The following SYT16 variants were observed in gnomAD, a reference collection of about 807,000 sequenced individuals.
The protein encoded by SYT16 is synaptotagmin 16.
SYT16 carries 42 observed loss-of-function variants against 61.4 expected under a neutral mutation model. That is an observed-to-expected ratio of 0.68 (90% CI 0.53 to 0.89). The LOEUF is 0.89. SYT16 is among the 40% of genes least tolerant of loss of function. The pLI is 0.00. For synonymous variants in SYT16, 314 were observed against 302.3 expected (o/e 1.04, Z -0.40); for missense variants, 804 against 807.3 (o/e 1.00, Z 0.05).
intron 2 of SYT16, among the ~76,000 whole-genome samples, chr14:61,974,542 T>C (rs1277808930): frequency 6.6e-6 from 1 of 152,016 alleles, no homozygotes; most frequent in East Asian, 1.9e-4. Context: ...AAGGCAGAGG[T>C]TGATTCTCCT....
At chr14:61,812,516 G>T (rs1242394805), upstream of SYT16, among the ~76,000 whole-genome samples, 1 of 151,442 alleles carries the variant, frequency 6.6e-6, no homozygotes, top group South Asian at 2.1e-4. Flanking sequence ...GGGGACGGAC[G>T]CGGCGAGGCG....
At chr14:61,866,676 T>C (rs1029014172) in intron 1 of SYT16, among the ~76,000 whole-genome samples, 1 of 152,164 alleles carries the variant, frequency 6.6e-6, no homozygotes, top group Admixed American at 6.5e-5. Context: ...TTGTCAGATA[T>C]GTATTTTGCA....
intron 2 of SYT16, among the ~76,000 whole-genome samples, chr14:61,984,682 A>G (rs917560305): frequency 2.6e-5 from 4 of 152,220 alleles, no homozygotes; most frequent in African/African-American, 9.6e-5. Context: ...TCAAGGAGAA[A>G]GAGAAGGAAA....
At chr14:61,868,608 GA>G (rs1479751773) in intron 1 of SYT16, among the ~76,000 whole-genome samples, 1 of 151,766 alleles carries the variant, frequency 6.6e-6, no homozygotes. Flanking sequence ...ATATTTGGGG[GA>G]ACTGTCTAGA....
chr14:61,973,638 G>A (rs183462417), intron 2 of SYT16, among the ~76,000 whole-genome samples: 4 of 152,142 alleles, frequency 2.6e-5, no homozygotes, highest in African/African-American at 7.2e-5. Flanking sequence ...AGAATATTTC[G>A]GTTGTTTTGT....
At chr14:61,857,520 A>G (rs1277396915) in intron 1 of SYT16, among the ~76,000 whole-genome samples, 1 of 152,162 alleles carries the variant, frequency 6.6e-6, no homozygotes, top group Non-Finnish European at 1.5e-5. Flanking sequence ...TGAGAAAGCA[A>G]TGTAATGGAG....
At chr14:61,984,716 C>T (rs1392090450) in intron 2 of SYT16, among the ~76,000 whole-genome samples, 1 of 151,956 alleles carries the variant, frequency 6.6e-6, no homozygotes, top group Non-Finnish European at 1.5e-5. Flanking sequence ...GCATTGTTGG[C>T]TTAAAATAGA....
intron 1 of SYT16, among the ~76,000 whole-genome samples, chr14:61,932,305 A>G (rs1007420878): frequency 6.6e-6 from 1 of 152,154 alleles, no homozygotes; most frequent in Non-Finnish European, 1.5e-5. Context: ...CTGATTTCTG[A>G]TAGGAGTCTG....
At chr14:61,853,116 A>G (rs992356676) in intron 1 of SYT16, among the ~76,000 whole-genome samples, 2 of 152,118 alleles carry the variant, frequency 1.3e-5, no homozygotes, top group African/African-American at 4.8e-5. Flanking sequence ...ATGGGGTTTC[A>G]CCATGTTGGC....
At chr14:61,895,640 A>G (rs771230857) in intron 1 of SYT16, among the ~76,000 whole-genome samples, 2 of 152,200 alleles carry the variant, frequency 1.3e-5, no homozygotes, top group African/African-American at 4.8e-5. Context: ...CCCCACCACT[A>G]GCTACTATTG....
intron 3 of SYT16, among the ~76,000 whole-genome samples, chr14:62,062,867 G>A (rs1399114336): frequency 1.3e-5 from 2 of 152,130 alleles, no homozygotes; most frequent in East Asian, 1.9e-4. Flanking sequence ...TACGATGTGA[G>A]CAATACTTGC....
chr14:62,048,793 G>A (rs1439392254), intron 3 of SYT16, among the ~76,000 whole-genome samples: 1 of 152,164 alleles, frequency 6.6e-6, no homozygotes, highest in Non-Finnish European at 1.5e-5. Flanking sequence ...GGTTTTGAGT[G>A]AGTTTCTGAA....
chr14:62,039,327 A>G (rs1051250485), intron 3 of SYT16, among the ~76,000 whole-genome samples: 1 of 152,216 alleles, frequency 6.6e-6, no homozygotes, highest in African/African-American at 2.4e-5. Flanking sequence ...GAATGCCATG[A>G]AATCAGGGAG....
chr14:62,029,848 G>C (rs1373437017), intron 3 of SYT16, among the ~76,000 whole-genome samples: 2 of 151,940 alleles, frequency 1.3e-5, no homozygotes, highest in African/African-American at 4.8e-5. Context: ...TTCTCTGTGT[G>C]TATGTGTGTG....
At chr14:61,818,417 C>T (rs139629753) in intron 1 of SYT16, among the ~76,000 whole-genome samples, 12,429 of 152,138 alleles carry the variant, frequency 0.082, 640 homozygotes, top group Non-Finnish European at 0.12. Flanking sequence ...CGGTGGCTCA[C>T]GCCTGTAATC....
intron 2 of SYT16, among the ~76,000 whole-genome samples, chr14:61,971,103 G>A (rs957642108): frequency 2.6e-5 from 4 of 152,100 alleles, no homozygotes; most frequent in African/African-American, 4.8e-5. Flanking sequence ...TTCTAAGTAT[G>A]CCTGGACCAA....
At chr14:61,854,810 C>T (rs1187119125) in intron 1 of SYT16, among the ~76,000 whole-genome samples, 1 of 151,972 alleles carries the variant, frequency 6.6e-6, no homozygotes, top group Non-Finnish European at 1.5e-5. Context: ...TTTCTCCACA[C>T]TTACCTAAAG....
At chr14:62,039,431 G>T (rs773777902) in intron 3 of SYT16, among the ~76,000 whole-genome samples, 1 of 152,168 alleles carries the variant, frequency 6.6e-6, no homozygotes, top group Non-Finnish European at 1.5e-5. Context: ...CACATATTAT[G>T]TATGCTAGGT....
At chr14:62,047,314 A>G (rs2055037874) in intron 3 of SYT16, among the ~76,000 whole-genome samples, 2 of 152,174 alleles carry the variant, frequency 1.3e-5, no homozygotes, top group African/African-American at 2.4e-5. Flanking sequence ...TGGTTTTTGC[A>G]CATTGATTTT....
Sources: allele counts gnomAD v4.1 joint callset (sites outside exome capture counted in the v4.1 genomes callset), GRCh38; gene constraint gnomAD v4.1.1; transcripts MANE v1.5; gene names NCBI Gene and HGNC (gene_info 2026-07-23, HGNC 2026-07-21).